ESR2: variants seen among roughly 807,000 people sequenced by gnomAD.
The protein encoded by ESR2 is estrogen receptor beta.
A neutral mutation model predicts 49.6 loss-of-function variants in ESR2; 36 were observed. The ratio of observed to expected loss-of-function variants is 0.73; its 90% confidence interval spans 0.56 to 0.96. The LOEUF is 0.96. ESR2 is among the 40% of genes least tolerant of loss of function. ESR2 has a pLI of 0.00. For missense variants in ESR2, 714 were observed against 693.0 expected (o/e 1.03, Z -0.34); for synonymous variants, 320 against 266.1 (o/e 1.20, Z -1.97).
chr14:64,228,156 C>G (rs2098723820), downstream of ESR2: 1 of 909,544 alleles, frequency 1.1e-6, no homozygotes. Context: ...AAATTGTACT[C>G]AAGCATTTGT....
chr14:64,253,610 A>ATG (rs1296316721), intron 6 of ESR2, among the ~76,000 whole-genome samples: 66 of 110,556 alleles, frequency 6.0e-4, no homozygotes, highest in African/African-American at 1.7e-3. Context: ...GTGTGTATGT[A>ATG]TGTGTGTGTA....
Position 64,250,986 on chromosome 14 carries a change from A to G in ESR2, c.1092-1307T>C, listed in dbSNP as rs546921376. 5.3e-5 allele frequency among the ~76,000 whole-genome samples: 8 copies of G among 152,330 alleles called. No homozygotes were observed. The South Asian group carries it at 1.7e-3, about 32-fold the overall frequency. ...ATTCTGTAAACACCTGCAATTTTCT[A>G]TAAGTACACAGGTTAAGTGACAAAA... On this transcript the variant is annotated intron_variant, in intron 6 of 8. Coordinates refer to ENST00000341099, the MANE Select transcript of ESR2 (RefSeq NM_001437.3).
intron 4 of ESR2, among the ~76,000 whole-genome samples, chr14:64,264,211 T>A (rs2076277178): frequency 6.6e-6 from 1 of 152,206 alleles, no homozygotes; most frequent in Non-Finnish European, 1.5e-5. Context: ...TTGTTTACAT[T>A]TTTAAAAATA....
chr14:64,268,716 G>A (rs1164263216), intron 4 of ESR2, 79 bp downstream of exon 4: 10 of 797,870 alleles, frequency 1.3e-5, no homozygotes, highest in East Asian at 7.3e-5. Flanking sequence ...CTCTTTTCCC[G>A]GCTACCTGTC....
In ESR2 at chr14:64,282,804, T is replaced by C. The variant is rs200128566; in HGVS notation, c.182A>G (p.Asn61Ser). ...PAVMNYSIPS[N>S]VTNLEGGPGR... ...AGGCCCACCTTCCAAGTTAGTGACA[T>C]TGCTGGGAATGCTGTAATTCATCAC... The change falls in exon 2 of 9, where the codon AAT becomes AGT. Residue 61 changes from asparagine (N) to serine (S), a missense_variant. Asn to Ser is a conservative substitution (Grantham distance 46, BLOSUM62 1). Coordinates refer to ENST00000341099, the MANE Select transcript of ESR2 (RefSeq NM_001437.3). The C allele has an allele frequency of 5.8e-5, 94 of 1,614,090 alleles. No homozygotes were observed. Among genetic ancestry groups the C allele is most frequent in the Middle Eastern group, 3.3e-4 (2 of 6,084 alleles).
chr14:64,284,107 TTAG>T (rs2076742787), intron 1 of ESR2, among the ~76,000 whole-genome samples: 1 of 151,874 alleles, frequency 6.6e-6, no homozygotes, highest in African/African-American at 2.4e-5. Flanking sequence ...GTTGTATTTT[TTAG>T]TAGGGATGGG....
chr14:64,261,239 C>CTTTTTTTTTTTTTTTTTTTTT (rs58982771), intron 4 of ESR2, among the ~76,000 whole-genome samples: 4 of 127,104 alleles, frequency 3.1e-5, no homozygotes, highest in Non-Finnish European at 6.3e-5. Flanking sequence ...TTTCTTTTTT[C>CTTTTTTTTTTTTTTTTTTTTT]TTTTTTTTTT....
chr14:64,259,505 T>C (rs1362102810), intron 5 of ESR2, among the ~76,000 whole-genome samples: 2 of 152,236 alleles, frequency 1.3e-5, no homozygotes, highest in African/African-American at 2.4e-5. Flanking sequence ...GTTGCCACTC[T>C]AGGTTAGAAT....
intron 1 of ESR2, among the ~76,000 whole-genome samples, chr14:64,311,886 A>T (rs2077192327): frequency 6.6e-6 from 1 of 152,174 alleles, no homozygotes; most frequent in Non-Finnish European, 1.5e-5. Context: ...AATGATTTTT[A>T]AAAATGAAGG....
intron 1 of ESR2, among the ~76,000 whole-genome samples, chr14:64,327,266 T>A (rs964731216): frequency 3.3e-5 from 5 of 152,128 alleles, no homozygotes; most frequent in African/African-American, 9.7e-5. Context: ...CCTTTTAAAA[T>A]ATATATATAG....
rs572106913 is a variant in ESR2, at chr14:64,259,646, G to A, written c.952+803C>T. 5.6e-4 allele frequency among the ~76,000 whole-genome samples: 86 copies of A among 152,242 alleles called. 3 individuals are homozygous for A. Among genetic ancestry groups the A allele is most frequent in the South Asian group, 3.7e-3 (18 of 4,818 alleles). On this transcript the variant is annotated intron_variant, in intron 5 of 8. Transcript: ENST00000341099. ...GTGATCACTTTGGAGGATGGAAAAC[G>A]CAGGTTCCAAGTGACAACTCATGAG... is the stretch of plus-strand genomic sequence containing the variant.
rs372668044 is a variant in ESR2 at position 64,233,359 on chromosome 14, C to T, written c.1407-36G>A. On this transcript the variant is annotated intron_variant, in intron 8 of 8. Coordinates refer to ENST00000341099, the MANE Select transcript of ESR2 (RefSeq NM_001437.3). ...AAAAAGGTGCTGAGATTCCCTCCTC[C>T]GAGGCAGCCACAGGAACCCCGAAGC... 2.0e-4 allele frequency: 310 copies of T among 1,587,620 alleles called. 4 individuals are homozygous for T. Among genetic ancestry groups the T allele is most frequent in the South Asian group, 1.9e-3 (170 of 88,604 alleles).
intron 3 of ESR2, 107 bp from the exon 4 acceptor site, chr14:64,269,018 A>T (rs1014441347): frequency 1.4e-5 from 10 of 714,650 alleles, no homozygotes; most frequent in Non-Finnish European, 2.2e-5. Flanking sequence ...GATAGGGGAC[A>T]TCTTCTTAAT....
chr14:64,305,227 C>CT lies in ESR2; in HGVS notation c.-90-22153dup, dbSNP rs760544265. 1.1e-3 allele frequency among the ~76,000 whole-genome samples: 165 copies of CT among 145,492 alleles called. 1 individual carries two copies. Among genetic ancestry groups the CT allele is most frequent in the Non-Finnish European group, 2.1e-3 (139 of 67,064 alleles). ...AATGGCGTGAACCCAGGAGGCAGAG[C>CT]TTGCACTGAGCCGAGATCGTGCCAC... On this transcript the variant is annotated intron_variant, in intron 1 of 8. Transcript: ENST00000358599.
chr14:64,242,454 AT>A (rs1202415568), intron 7 of ESR2, among the ~76,000 whole-genome samples: 24 of 114,116 alleles, frequency 2.1e-4, no homozygotes, highest in East Asian at 1.2e-3. Context: ...CAAAAAAAAT[AT>A]ATATATATAT....
chr14:64,335,336 T>C (rs2077515799), intron 1 of ESR2, among the ~76,000 whole-genome samples: 1 of 152,200 alleles, frequency 6.6e-6, no homozygotes, highest in Non-Finnish European at 1.5e-5. Context: ...CTTGGGCTGC[T>C]ATAACAAAAT....
intron 6 of ESR2, among the ~76,000 whole-genome samples, chr14:64,254,809 A>T (rs537134084): frequency 6.2e-5 from 9 of 145,656 alleles, no homozygotes; most frequent in African/African-American, 2.3e-4. Flanking sequence ...ACAACAAATA[A>T]ACACCAGTAG....
downstream of ESR2, chr14:64,227,941 A>ATAAT: frequency 1.9e-6 from 3 of 1,594,954 alleles, no homozygotes; most frequent in Non-Finnish European, 2.5e-6. Flanking sequence ...TGTAAAGGAT[A>ATAAT]TAATTCTAAT....
At chr14:64,303,167 T>C (rs936427752) in intron 1 of ESR2, among the ~76,000 whole-genome samples, 1 of 152,122 alleles carries the variant, frequency 6.6e-6, no homozygotes, top group Non-Finnish European at 1.5e-5. Flanking sequence ...TGGCTTGAAT[T>C]TGGCCATGGT....
Sources: gnomAD v4.1 joint callset for allele counts (sites outside exome capture counted in the v4.1 genomes callset) on GRCh38, gnomAD v4.1.1 for gene constraint, MANE v1.5 for transcripts, NCBI Gene and HGNC (gene_info 2026-07-23, HGNC 2026-07-21) for gene names.